SYNE1: variants seen among roughly 807,000 people sequenced by gnomAD.
The protein encoded by SYNE1 is spectrin repeat containing nuclear envelope protein 1.
SYNE1 carries 616 observed loss-of-function variants against 1,111.0 expected under a neutral mutation model. The observed-to-expected ratio is 0.55, with a 90% CI of 0.52 to 0.59. SYNE1 has a LOEUF of 0.59. Ranked by LOEUF, SYNE1 falls within the 20% of genes least tolerant of loss-of-function variation. The pLI, the probability that SYNE1 is intolerant of heterozygous loss-of-function variation, is 0.00. For synonymous variants in SYNE1, 3,855 were observed against 3,825.8 expected (o/e 1.01, Z -0.28); for missense variants, 10,006 against 10,417.0 (o/e 0.96, Z 1.72).
At position 152,239,601 on chromosome 6, in the gene SYNE1, T is replaced by A; in HGVS notation, c.19999A>T (p.Met6667Leu). 1 of 1,614,192 alleles carries A rather than the reference T, an allele frequency of 6.2e-7. No homozygotes were observed. The highest frequency in any genetic ancestry group is 1.3e-5 in the African/African-American group (1 of 75,052). Residue 6667 changes from methionine (M) to leucine (L), a missense_variant, in exon 108 of 146, where the codon ATG (methionine) becomes TTG (leucine). Physicochemically the swap from Met to Leu is conservative, Grantham distance 15. Around this residue, in one of 7 missense-constraint regions of SYNE1, gnomAD observed 2,182 missense variants for 2,287.8 expected, o/e 0.95. Coordinates refer to ENST00000367255, the MANE Select transcript of SYNE1 (RefSeq NM_182961.4). ...QKETQFHTEL[M>L]AQASAVLKRA... is the part of the protein sequence containing the mutation. Reference sequence around the variant, plus strand: ...TTCAGTACAGCAGAAGCCTGAGCCATCAGCTCTGTATGGAACTGGGTTTCC... The same window carrying A: ...TTCAGTACAGCAGAAGCCTGAGCCAACAGCTCTGTATGGAACTGGGTTTCC...
At chr6:152,350,504 TAA>T in intron 71 of SYNE1, 112 bp downstream of exon 71, 1 of 1,466,776 alleles carries the variant, frequency 6.8e-7, no homozygotes, top group Non-Finnish European at 9.4e-7. Context: ...TCCATCTGAA[TAA>T]AAAAAAATAC....
chr6:152,471,959 C>A, intron 15 of SYNE1, 194 bp from the exon 16 acceptor site: 1 of 627,852 alleles, frequency 1.6e-6, no homozygotes, highest in Non-Finnish European at 2.7e-6. Context: ...TTGAAGTCTT[C>A]GATTTAGTTC....
chr6:152,232,522 C>A (rs892765139), intron 112 of SYNE1, among the ~76,000 whole-genome samples: 2 of 151,962 alleles, frequency 1.3e-5, no homozygotes, highest in Non-Finnish European at 2.9e-5. Context: ...AATCAAAGCA[C>A]CAGAAAGAAG....
intron 3 of SYNE1, among the ~76,000 whole-genome samples, chr6:152,569,812 A>G (rs950589747): frequency 1.3e-5 from 2 of 152,168 alleles, no homozygotes; most frequent in Admixed American, 6.5e-5. Flanking sequence ...TATATAAACC[A>G]CCTCTCTTTG....
Position 152,321,923 on chromosome 6 carries a change from T to C in SYNE1, c.15918-37A>G, listed in dbSNP as rs1244307857. The C allele has an allele frequency of 1.9e-6, 3 of 1,612,740 alleles. No homozygotes were observed. In the East Asian group the frequency reaches 6.7e-5, roughly 36 times the overall value. On this transcript the variant is annotated intron_variant, in intron 82 of 145. Coordinates refer to ENST00000367255, the MANE Select transcript of SYNE1 (RefSeq NM_182961.4). ...TTACAGGGATAAAACAGAAGTGAAG[T>C]GAAAGGAACCCCCTAATACTTGGCA...
In SYNE1 at chr6:152,244,239, A is replaced by G. The variant is rs3843915; in HGVS notation, c.19692+298T>C. Among the ~76,000 whole-genome samples, 11,906 of 152,252 alleles carry G rather than the reference A, an allele frequency of 0.078. 588 individuals carry two copies. The highest frequency in any genetic ancestry group is 0.13 in the East Asian group (657 of 5,178). Reference sequence around the variant, plus strand: ...TCTAGGTAGGATTAAAAGTTATTCTATTTTCTACAGTAGAAAATAATATGC... The same window carrying G: ...TCTAGGTAGGATTAAAAGTTATTCTGTTTTCTACAGTAGAAAATAATATGC... On this transcript the variant is annotated intron_variant, in intron 106 of 145. Transcript: ENST00000367255.
At chr6:152,202,332 G>A (rs1414957107) in intron 126 of SYNE1, among the ~76,000 whole-genome samples, 3 of 121,676 alleles carry the variant, frequency 2.5e-5, no homozygotes, top group Non-Finnish European at 4.8e-5. Context: ...AGGCAAAAGA[G>A]CGAGACTCTG....
At chr6:152,244,057 T>C (rs537380763) in intron 106 of SYNE1, among the ~76,000 whole-genome samples, 4 of 152,316 alleles carry the variant, frequency 2.6e-5, no homozygotes, top group East Asian at 3.9e-4. Flanking sequence ...ATTGAAACAA[T>C]GTCTCTATTC....
At chr6:152,568,760 A>C (rs772791129) in intron 3 of SYNE1, among the ~76,000 whole-genome samples, 4 of 152,324 alleles carry the variant, frequency 2.6e-5, no homozygotes, top group South Asian at 2.1e-4. Context: ...GGCTCTTGCC[A>C]CTGCACCTGG....
At chr6:152,127,703 G>A (rs1219584756) in intron 145 of SYNE1, 1 of 152,154 alleles carries the variant, frequency 6.6e-6, no homozygotes, top group Non-Finnish European at 1.5e-5. Flanking sequence ...CCTTAGAGGG[G>A]AGAGGCTCTG....
In SYNE1 at chr6:152,294,011, A is replaced by G. The variant is rs1382383898; in HGVS notation, c.17799T>C (p.Ala5933=). 1.7e-5 allele frequency: 28 copies of G among 1,614,172 alleles called. No individual in the cohort carries two copies. Among genetic ancestry groups the G allele is most frequent in the Non-Finnish European group, 2.4e-5 (28 of 1,180,030 alleles). Residue 5933 remains alanine, a synonymous_variant, in exon 94 of 146, where the codon GCT becomes GCC. Transcript: ENST00000367255. ...EFYEPGLEPS[A]TAKLGDLQRS... is the part of the protein sequence containing the mutation. ...GCTGCAAATCACCCAGTTTGGCAGT[A>G]GCGGATGGCTCCAATCCCGGTTCAT...
intron 3 of SYNE1, among the ~76,000 whole-genome samples, chr6:152,592,846 T>G (rs2099570860): frequency 6.6e-6 from 1 of 152,208 alleles, no homozygotes; most frequent in Non-Finnish European, 1.5e-5. Context: ...ATCATCTGTG[T>G]ATTTATTAAG....
intron 66 of SYNE1, among the ~76,000 whole-genome samples, chr6:152,356,814 G>A (rs1313199952): frequency 1.3e-5 from 2 of 152,112 alleles, no homozygotes; most frequent in Non-Finnish European, 2.9e-5. Context: ...GTGAAATCAG[G>A]GGGAGGTTAG....
intron 34 of SYNE1, 40 bp from the exon 35 acceptor site, chr6:152,430,749 C>A: frequency 6.4e-7 from 1 of 1,565,352 alleles, no homozygotes; most frequent in Non-Finnish European, 8.8e-7. Flanking sequence ...GTAGGCTGAG[C>A]AAGCTTGCCT....
chr6:152,222,636 C>T lies in SYNE1; in HGVS notation c.21523-1077G>A, dbSNP rs144096856. Among the ~76,000 whole-genome samples the T allele has an allele frequency of 2.6e-3, 400 of 152,260 alleles. 2 individuals are homozygous for T. The highest frequency in any genetic ancestry group is 9.3e-3 in the African/African-American group (386 of 41,530). ...GGAATGAATAAATTAAGATAATTAACATATCATTACCTCACATACTTATCC... is the reference window on the plus strand; with the variant it reads ...GGAATGAATAAATTAAGATAATTAATATATCATTACCTCACATACTTATCC... On this transcript the variant is annotated intron_variant, in intron 117 of 145. Transcript: ENST00000367255.
chr6:152,557,388 G>T (rs2099370259), intron 3 of SYNE1, among the ~76,000 whole-genome samples: 3 of 151,864 alleles, frequency 2.0e-5, no homozygotes. Flanking sequence ...GAAAGAAGAA[G>T]AAAGCTTGTT....
intron 119 of SYNE1, among the ~76,000 whole-genome samples, 188 bp downstream of exon 119, chr6:152,220,654 G>A (rs11970092): frequency 9.6e-4 from 146 of 152,266 alleles, no homozygotes; most frequent in African/African-American, 3.5e-3. Flanking sequence ...ACAATGGGAG[G>A]AGACCTCTTA....
intron 8 of SYNE1, among the ~76,000 whole-genome samples, chr6:152,506,468 G>GA (rs1215549360): frequency 6.6e-6 from 1 of 151,868 alleles, no homozygotes; most frequent in Non-Finnish European, 1.5e-5. Context: ...AAATTTTCAT[G>GA]AAAAAATACA....
At position 152,331,732 on chromosome 6, in the gene SYNE1, G is replaced by C. The variant is rs200825287; in HGVS notation, c.12953C>G (p.Thr4318Arg). The C allele has an allele frequency of 1.9e-6, 3 of 1,614,092 alleles. No homozygotes were observed. Among genetic ancestry groups the C allele is most frequent in the East Asian group, 2.2e-5 (1 of 44,886 alleles). Residue 4318 changes from threonine (T) to arginine (R), a missense_variant, in exon 78 of 146, where the codon ACG (threonine) becomes AGG (arginine). By Grantham distance (71) the Thr-to-Arg change is moderately conservative (BLOSUM62 -1). Around this residue, in one of 7 missense-constraint regions of SYNE1, gnomAD observed 4,955 missense variants for 5,017.2 expected, o/e 0.99. Coordinates refer to ENST00000367255, the MANE Select transcript of SYNE1 (RefSeq NM_182961.4). ...AAACCAACGTTGCTCTAAATGACTC[G>C]TCTGTTCTTTGACTAACTCCTTGTC... ...LDDKELVKEQ[T>R]SHLEQRWFQL...
Sources: gnomAD v4.1 joint callset for allele counts (sites outside exome capture counted in the v4.1 genomes callset) on GRCh38, gnomAD v4.1.1 for gene constraint, gnomAD v4.1.1 regional missense constraint, MANE v1.5 for transcripts, NCBI Gene and HGNC (gene_info 2026-07-23, HGNC 2026-07-21) for gene names.